The following ZNF560 variants were observed in gnomAD, a reference collection of about 807,000 sequenced individuals.
The protein encoded by ZNF560 is zinc finger protein 560.
Under a neutral mutation model 81.8 loss-of-function variants are expected in ZNF560, and 54 were observed. The ratio of observed to expected loss-of-function variants is 0.66; its 90% CI spans 0.53 to 0.83. The LOEUF is 0.83. ZNF560 is among the 40% of genes least tolerant of loss of function. ZNF560 has a pLI of 0.00. For missense variants in ZNF560, 940 were observed against 932.4 expected (o/e 1.01, Z -0.11); for synonymous variants, 321 against 317.9 (o/e 1.01, Z -0.10).
intron 2 of ZNF560, among the ~76,000 whole-genome samples, chr19:9,485,413 T>A (rs1171840528): frequency 1.3e-5 from 2 of 149,938 alleles, no homozygotes; most frequent in Non-Finnish European, 3.0e-5. Flanking sequence ...CAGAATTAAG[T>A]ATAAGAATCA....
At chr19:9,479,414 C>A (rs561740821) in intron 2 of ZNF560, among the ~76,000 whole-genome samples, 1 of 152,140 alleles carries the variant, frequency 6.6e-6, no homozygotes, top group South Asian at 2.1e-4. Flanking sequence ...AAACACTCCA[C>A]ACAGATAGAA....
the ZNF560 span, among the ~76,000 whole-genome samples, chr19:9,452,171 C>T: frequency 6.6e-6 from 1 of 152,046 alleles, no homozygotes; most frequent in East Asian, 1.9e-4. Context: ...GGAAAAAATG[C>T]TCATTACTAA....
chr19:9,487,719 T>C (rs901284597), intron 2 of ZNF560, among the ~76,000 whole-genome samples: 34 of 152,180 alleles, frequency 2.2e-4, no homozygotes, highest in African/African-American at 6.5e-4. Flanking sequence ...TGAATGTTAC[T>C]AGGTCATGGT....
At chr19:9,470,177 G>A (rs1254287292) in intron 7 of ZNF560, among the ~76,000 whole-genome samples, 1 of 152,036 alleles carries the variant, frequency 6.6e-6, no homozygotes, top group East Asian at 1.9e-4. Flanking sequence ...GACAGTGATG[G>A]TGATGCTACT....
chr19:9,482,493 G>C (rs2144709780), intron 2 of ZNF560, among the ~76,000 whole-genome samples: 1 of 151,860 alleles, frequency 6.6e-6, no homozygotes, highest in Admixed American at 6.6e-5. Context: ...AAGGAAGGAA[G>C]CCAGGCATGG....
chr19:9,499,146 A>T (rs2073609462), upstream of ZNF560, among the ~76,000 whole-genome samples: 2 of 151,550 alleles, frequency 1.3e-5, no homozygotes, highest in African/African-American at 2.4e-5. Context: ...AAATATTGCA[A>T]TTTTTTTCTT....
rs534649704 is a variant in ZNF560, at chr19:9,476,065, AACT to A, written c.-56-699_-56-697del. On this transcript the variant is annotated intron_variant, in intron 2 of 9. Coordinates refer to ENST00000301480, the MANE Select transcript of ZNF560 (RefSeq NM_152476.3). ...GGCACACTTCAACAACTCAGAAAGG[AACT>A]ACTAGTGTGAATACTAAGGCCTAGA... 4.7e-3 allele frequency among the ~76,000 whole-genome samples: 711 copies of A among 152,290 alleles called. 9 individuals are homozygous for A. Among genetic ancestry groups the A allele is most frequent in the African/African-American group, 0.016 (679 of 41,554 alleles).
intron 9 of ZNF560, among the ~76,000 whole-genome samples, 163 bp from the exon 10 acceptor site, chr19:9,468,497 G>T (rs2073070211): frequency 6.6e-6 from 1 of 152,134 alleles, no homozygotes; most frequent in Non-Finnish European, 1.5e-5. Flanking sequence ...GAACCCTACT[G>T]TAAGAATCCT....
chr19:9,477,748 T>C (rs1387909102), intron 2 of ZNF560, among the ~76,000 whole-genome samples: 1 of 152,268 alleles, frequency 6.6e-6, no homozygotes, highest in East Asian at 1.9e-4. Context: ...TTTTATCCCT[T>C]CCTTCCTTTA....
Position 9,467,372 on chromosome 19 carries a change from A to G in ZNF560, c.1575T>C (p.Phe525=). 6.2e-7 allele frequency: 1 copy of G among 1,614,126 alleles called. No homozygotes were observed. The highest frequency in any genetic ancestry group is 1.1e-5 in the South Asian group (1 of 91,070). Residue 525 remains phenylalanine, a synonymous_variant, in exon 10 of 10, where the codon TTT becomes TTC. Transcript: ENST00000301480. ...GAATACGAAGACAGGCAGAAGAGGT[A>G]AATGGTTTCCCACATTTGTAACACT... ...PFKCYKCGKP[F]TSSACLRIHM...
intron 6 of ZNF560, among the ~76,000 whole-genome samples, chr19:9,471,005 G>C (rs1327379912): frequency 1.3e-5 from 2 of 152,136 alleles, no homozygotes; most frequent in African/African-American, 4.8e-5. Flanking sequence ...ATGACTTTCT[G>C]GGAAAAATTC....
chr19:9,491,743 T>C (rs2073476530), intron 2 of ZNF560, among the ~76,000 whole-genome samples: 1 of 126,720 alleles, frequency 7.9e-6, no homozygotes. Context: ...GGAGAATCGC[T>C]TGGACCTGGG....
At chr19:9,457,069 C>T in the ZNF560 span, among the ~76,000 whole-genome samples, 2 of 152,096 alleles carry the variant, frequency 1.3e-5, no homozygotes, top group South Asian at 2.1e-4. Flanking sequence ...GAACAGTGGC[C>T]GCTGAGTAAA....
chr19:9,475,629 TG>T (rs1352599824), intron 2 of ZNF560, among the ~76,000 whole-genome samples: 42 of 147,988 alleles, frequency 2.8e-4, no homozygotes, highest in African/African-American at 1.1e-3. Context: ...TTTTTGGAGA[TG>T]GAGTTTCACT....
chr19:9,485,703 AC>A lies in ZNF560; in HGVS notation c.-56-10335del, dbSNP rs1289533854. ...TGGGATGACAGGCGTGCACTGCCAC[AC>A]CCAGCTAATTTTGTATTTTTAGTAG... On this transcript the variant is annotated intron_variant, in intron 2 of 9. Coordinates refer to ENST00000301480, the MANE Select transcript of ZNF560 (RefSeq NM_152476.3). Among the ~76,000 whole-genome samples, 3 of 151,948 alleles carry A rather than the reference AC, an allele frequency of 2.0e-5. No individual in the cohort carries two copies. The East Asian group carries it at 5.9e-4, about 30-fold the overall frequency.
At chr19:9,446,364 A>G in the ZNF560 span, among the ~76,000 whole-genome samples, 2 of 136,792 alleles carry the variant, frequency 1.5e-5, no homozygotes, top group African/African-American at 6.0e-5. Flanking sequence ...TTGCCAAGTC[A>G]TACACACACA....
the ZNF560 span, among the ~76,000 whole-genome samples, chr19:9,455,709 A>T: frequency 7.2e-5 from 11 of 152,170 alleles, no homozygotes; most frequent in Admixed American, 2.0e-4. Context: ...AGCTTTTGAC[A>T]ATGCTAATCC....
At chr19:9,465,980 T>C (rs7257293), downstream of ZNF560, among the ~76,000 whole-genome samples, 16,375 of 151,048 alleles carry the variant, frequency 0.11, 1,047 homozygotes, top group South Asian at 0.2. Flanking sequence ...GGCTACAGAG[T>C]GGGACTTCAT....
At chr19:9,448,833 G>A in the ZNF560 span, among the ~76,000 whole-genome samples, 1 of 152,120 alleles carries the variant, frequency 6.6e-6, no homozygotes, top group Non-Finnish European at 1.5e-5. Context: ...CAAAAAGTGG[G>A]AGAAAGAGCT....
Sources: allele counts gnomAD v4.1 joint callset (sites outside exome capture counted in the v4.1 genomes callset), GRCh38; gene constraint gnomAD v4.1.1; transcripts MANE v1.5; gene names NCBI Gene and HGNC (gene_info 2026-07-23, HGNC 2026-07-21).